The following MSH6 variants were observed in gnomAD, a reference collection of about 807,000 sequenced individuals.
The protein encoded by MSH6 is DNA mismatch repair protein Msh6.
In MSH6, 85 loss-of-function variants were observed where a neutral mutation model predicts 119.1. The observed-to-expected ratio is 0.71, with a 90% CI of 0.60 to 0.85. MSH6 has a LOEUF of 0.85. MSH6 is among the 40% of genes least tolerant of loss of function. The probability of loss-of-function intolerance (pLI) is 0.00; values close to 1 mark genes in which losing one functional copy is unlikely to be tolerated. For missense variants in MSH6, 2,163 were observed against 1,655.3 expected, an observed-to-expected ratio of 1.31 and a Z score of -5.32; for synonymous variants, 830 against 586.9, an observed-to-expected ratio of 1.41 and a Z score of -5.99.
downstream of MSH6, chr2:47,809,346 C>T: frequency 1.1e-6 from 1 of 888,584 alleles, no homozygotes; most frequent in Non-Finnish European, 1.7e-6. Context: ...ATTATTCTAA[C>T]AGAAGAGCCA....
intron 2 of MSH6, among the ~76,000 whole-genome samples, chr2:47,793,514 A>AG (rs1668881527): frequency 6.6e-6 from 1 of 151,128 alleles, no homozygotes; most frequent in African/African-American, 2.4e-5. Context: ...AAGCTGAGGC[A>AG]GAGAATTGCT....
In MSH6 at chr2:47,800,323, C is replaced by T. The variant is rs2104401672; in HGVS notation, c.2340C>T (p.Ala780=). The change falls in exon 4 of 10, where the codon GCC becomes GCT. Residue 780 remains alanine, a synonymous_variant. Transcript: ENST00000234420. ...GKRLLKQWLC[A]PLCNHYAIND... is the part of the protein sequence containing the mutation. The stretch of plus-strand genomic sequence containing the variant: ...GGCTCCTAAAGCAATGGCTTTGTGC[C>T]CCACTCTGTAACCATTATGCTATTA... 1 of 1,613,936 alleles carries T rather than the reference C, an allele frequency of 6.2e-7. No homozygotes were observed. Among genetic ancestry groups the T allele is most frequent in the African/African-American group, 1.3e-5 (1 of 74,966 alleles).
chr2:47,795,849 C>T, intron 2 of MSH6, 45 bp from the exon 3 acceptor site: 1 of 1,569,810 alleles, frequency 6.4e-7, no homozygotes, highest in African/African-American at 1.4e-5. Context: ...CAGGCGTGAG[C>T]CTCTGCACCC....
rs869312769 is a variant in MSH6, at chr2:47,799,333, AT to A, written c.1352del (p.Phe451SerfsTer2). On this transcript the variant is annotated frameshift_variant, in exon 4 of 10. Transcript: ENST00000234420. LOFTEE classifies it high-confidence loss of function. Reference sequence around the variant, plus strand: ...TTGGAGTCAGTGAACTGGGGCTGGTATTCATGAAAGGCAACTGGGCCCATTC... The same window carrying A: ...TTGGAGTCAGTGAACTGGGGCTGGTATCATGAAAGGCAACTGGGCCCATTC... ...LIGVSELGLVFMKGNWAHSGF... is the reference protein window; with the variant it reads ...LIGVSELGLVXMKGNWAHSGF... 5 of 1,614,050 alleles carry A rather than the reference AT, an allele frequency of 3.1e-6. No homozygotes were observed. Among genetic ancestry groups the A allele is most frequent in the Non-Finnish European group, 4.2e-6 (5 of 1,180,034 alleles).
chr2:47,785,744 T>G (rs1166727079), intron 1 of MSH6, among the ~76,000 whole-genome samples: 1 of 152,340 alleles, frequency 6.6e-6, no homozygotes, highest in East Asian at 1.9e-4. Flanking sequence ...GCATGACGTA[T>G]TGTTTACTTG....
intron 3 of MSH6, among the ~76,000 whole-genome samples, chr2:47,797,254 A>T (rs1669156705): frequency 6.6e-6 from 1 of 152,220 alleles, no homozygotes; most frequent in South Asian, 2.1e-4. Flanking sequence ...ATCCTAAAAG[A>T]CATTCATCTA....
chr2:47,802,204 T>G (rs542324946), intron 4 of MSH6, among the ~76,000 whole-genome samples: 1 of 152,338 alleles, frequency 6.6e-6, no homozygotes, highest in African/African-American at 2.4e-5. Flanking sequence ...TACAATTGAT[T>G]TTTCAAAGCC....
chr2:47,798,317 G>GT (rs1669219243), intron 3 of MSH6, among the ~76,000 whole-genome samples: 1 of 152,164 alleles, frequency 6.6e-6, no homozygotes, highest in Admixed American at 6.5e-5. Flanking sequence ...CTAAAAACGT[G>GT]TTTAATACAC....
chr2:47,807,667 TA>T (rs11314400), downstream of MSH6: 133,506 of 206,916 alleles, frequency 0.65, 40,834 homozygotes, highest in East Asian at 0.78. Flanking sequence ...GAATACATGT[TA>T]AAAAAAAAAA....
intron 1 of MSH6, among the ~76,000 whole-genome samples, chr2:47,786,737 C>G (rs1461968513): frequency 6.6e-6 from 1 of 150,480 alleles, no homozygotes; most frequent in East Asian, 1.9e-4. Context: ...TTTCCTAGTT[C>G]TTTGTCATTT....
At chr2:47,808,733 A>G, downstream of MSH6, 1 of 329,210 alleles carries the variant, frequency 3.0e-6, no homozygotes, top group South Asian at 7.3e-5. Flanking sequence ...CAAAACTGTC[A>G]CAGTGACTGG....
intron 2 of MSH6, among the ~76,000 whole-genome samples, chr2:47,794,411 A>G (rs758229331): frequency 6.6e-6 from 1 of 151,680 alleles, no homozygotes; most frequent in Non-Finnish European, 1.5e-5. Context: ...AGCTGAGACT[A>G]CAGGTGTGCA....
chr2:47,801,191 TAAG>T, intron 4 of MSH6, 36 bp downstream of exon 4: 1 of 1,601,888 alleles, frequency 6.2e-7, no homozygotes. Flanking sequence ...CAGGCTTTGA[TAAG>T]TAGTGCTGTT....
At position 47,799,631 on chromosome 2, in the gene MSH6, TCTG is replaced by T. The variant is rs1558662438; in HGVS notation, c.1649_1651del (p.Ser550_Gly551delinsCys). ...CCTCAAAGAAAAAGAGGAAGATTCT[TCTG>T]GCCATACTCGTGCATATGGTGTGTG... On this transcript the variant is annotated inframe_deletion, in exon 4 of 10. Transcript: ENST00000234420. 2.5e-6 allele frequency: 4 copies of T among 1,614,132 alleles called. No homozygotes were observed. Among genetic ancestry groups the T allele is most frequent in the Admixed American group, 3.3e-5 (2 of 59,994 alleles).
intron 2 of MSH6, among the ~76,000 whole-genome samples, chr2:47,794,326 C>T (rs1237657187): frequency 6.6e-6 from 1 of 151,970 alleles, no homozygotes; most frequent in African/African-American, 2.4e-5. Context: ...GGCTGGAGTG[C>T]AATGGTGCAG....
rs1558665377 is a variant in MSH6, at chr2:47,800,394, A to C, written c.2411A>C (p.Lys804Thr). 1 of 1,614,120 alleles carries C rather than the reference A, an allele frequency of 6.2e-7. No individual in the cohort carries two copies. Among genetic ancestry groups the C allele is most frequent in the East Asian group, 2.2e-5 (1 of 44,874 alleles). ...AIEDLMVVPD[K>T]ISEVVELLKK... ...GAAGACCTCATGGTTGTGCCTGACAAAATCTCCGAAGTTGTAGAGCTTCTA... is the reference window on the plus strand; with the variant it reads ...GAAGACCTCATGGTTGTGCCTGACACAATCTCCGAAGTTGTAGAGCTTCTA... The change falls in exon 4 of 10, where the codon AAA becomes ACA. Residue 804 changes from lysine (K) to threonine (T), a missense_variant. By Grantham distance (78) the Lys-to-Thr change is moderately conservative. Coordinates refer to ENST00000234420, the MANE Select transcript of MSH6 (RefSeq NM_000179.3).
chr2:47,808,509 C>T, downstream of MSH6: 1 of 1,292,628 alleles, frequency 7.7e-7, no homozygotes, highest in Admixed American at 2.5e-5. Flanking sequence ...ATTACTATGA[C>T]CTTTGGCTTT....
At position 47,800,373 on chromosome 2, in the gene MSH6, A is replaced by T. The variant is rs2104404226; in HGVS notation, c.2390A>T (p.Asp797Val). 1 of 1,613,998 alleles carries T rather than the reference A, an allele frequency of 6.2e-7. No homozygotes were observed. Among genetic ancestry groups the T allele is most frequent in the South Asian group, 1.1e-5 (1 of 91,066 alleles). Residue 797 changes from aspartate to valine, a missense_variant, in exon 4 of 10, where the codon GAC becomes GTC. Physicochemically the swap from Asp to Val is radical, Grantham distance 152. Transcript: ENST00000234420. Reference sequence around the variant, plus strand: ...AATGATCGTCTAGATGCCATAGAAGACCTCATGGTTGTGCCTGACAAAATC... The same window carrying T: ...AATGATCGTCTAGATGCCATAGAAGTCCTCATGGTTGTGCCTGACAAAATC... ...AINDRLDAIE[D>V]LMVVPDKISE...
intron 4 of MSH6, among the ~76,000 whole-genome samples, chr2:47,801,905 A>G (rs546026299): frequency 6.6e-6 from 1 of 152,138 alleles, no homozygotes. Context: ...AGTCTCCCAA[A>G]AGTGCTGGGA....
Sources: allele counts gnomAD v4.1 joint callset (sites outside exome capture counted in the v4.1 genomes callset), GRCh38; gene constraint gnomAD v4.1.1; transcripts MANE v1.5; gene names NCBI Gene and HGNC (gene_info 2026-07-23, HGNC 2026-07-21).